The following ZNF628 variants were observed in gnomAD, a reference collection of about 807,000 sequenced individuals.
ZNF628 encodes zinc finger protein Zec.
A neutral mutation model predicts 2.5 loss-of-function variants in ZNF628; 3 were observed. The observed-to-expected ratio is 1.19, with a 90% CI of 0.54 to 3.07. The LOEUF (loss-of-function observed/expected upper bound fraction) is 3.07, where lower values mean the gene tolerates loss of function less well. ZNF628 is among the 30% of genes most tolerant of loss of function. The pLI is 0.03. For missense variants in ZNF628, 1,610 were observed against 1,517.1 expected (o/e 1.06, Z -1.02); for synonymous variants, 861 against 717.1 (o/e 1.20, Z -3.21).
intron 1 of ZNF628, among the ~76,000 whole-genome samples, chr19:55,477,756 T>C (rs10426126): frequency 0.81 from 123,378 of 151,460 alleles, 50,997 homozygotes; most frequent in African/African-American, 0.92. Context: ...AGTGAGACCC[T>C]GTCTCCAAAA....
chr19:55,478,257 G>GA (rs1469379687), intron 1 of ZNF628, among the ~76,000 whole-genome samples: 9 of 152,314 alleles, frequency 5.9e-5, no homozygotes, highest in Non-Finnish European at 1.2e-4. Context: ...TGCTGCGGGG[G>GA]AAAAATAAGG....
At chr19:55,476,982 C>T (rs2059137) in intron 1 of ZNF628, among the ~76,000 whole-genome samples, 175 bp downstream of exon 1, 123,899 of 152,112 alleles carry the variant, frequency 0.81, 51,221 homozygotes, top group African/African-American at 0.92. Flanking sequence ...GGCAAGGGGC[C>T]ACATTGAGAG....
In ZNF628 at chr19:55,482,039, CT is replaced by C. The variant is rs1568467232; in HGVS notation, c.851del (p.Leu284TrpfsTer143). The C allele has an allele frequency of 2.0e-6, 3 of 1,472,500 alleles. No individual in the cohort carries two copies. The highest frequency in any genetic ancestry group is 1.2e-5 in the South Asian group (1 of 80,952). The allele number at this position is 1,472,500 out of a possible 1,614,324, so 91.2% of individuals were successfully genotyped here. On this transcript the variant is annotated frameshift_variant, in exon 3 of 3. Coordinates refer to ENST00000598519, the MANE Select transcript of ZNF628 (RefSeq NM_033113.3). LOFTEE classifies it low-confidence loss of function (END_TRUNC). ...PPPPPVVPELFLAAAETTVEL... is the reference protein window; with the variant it reads ...PPPPPVVPELXLAAAETTVEL... ...CGCCCCCGCCCGTGGTGCCTGAGCT[CT>C]TTTTGGCGGCGGCGGAGACCACGGT...
chr19:55,479,047 G>A lies in ZNF628; in HGVS notation c.-77-787G>A, dbSNP rs1376117525. ...CTGGAGTCATTGTTCATAGACAGTGGAGTCCTGAGAGTGGGTGGGGGCTCC... is the reference window on the plus strand; with the variant it reads ...CTGGAGTCATTGTTCATAGACAGTGAAGTCCTGAGAGTGGGTGGGGGCTCC... On this transcript the variant is annotated intron_variant, in intron 1 of 2. Transcript: ENST00000598519. The surrounding 1 kb of genome is among the most constrained non-coding windows in gnomAD (Gnocchi z 5.1). 6.6e-6 allele frequency among the ~76,000 whole-genome samples: 1 copy of A among 152,172 alleles called. No homozygotes were observed. Among genetic ancestry groups the A allele is most frequent in the Non-Finnish European group, 1.5e-5 (1 of 68,038 alleles).
chr19:55,477,140 C>G (rs76085117), intron 1 of ZNF628, among the ~76,000 whole-genome samples: 2,536 of 152,250 alleles, frequency 0.017, 66 homozygotes, highest in African/African-American at 0.057. Context: ...CAAAGCGATC[C>G]CTGGTTTAGC....
rs1225185368 is a variant in ZNF628 at position 55,482,745 on chromosome 19, A to C, written c.1552A>C (p.Thr518Pro). The change falls in exon 3 of 3, where the codon ACC becomes CCC. Residue 518 changes from threonine (T) to proline (P), a missense_variant. By Grantham distance (38) the Thr-to-Pro change is conservative. Around this residue, in one of 5 missense-constraint regions of ZNF628, gnomAD observed 651 missense variants for 575.6 expected, o/e 1.13. Transcript: ENST00000598519. ...RAFTCGQCGL[T>P]FKWSSHYQYH... ...CTTCACCTGTGGCCAGTGCGGCCTC[A>C]CCTTCAAGTGGTCGTCCCACTACCA... 6.2e-7 allele frequency: 1 copy of C among 1,611,606 alleles called. No homozygotes were observed. Among genetic ancestry groups the C allele is most frequent in the East Asian group, 2.2e-5 (1 of 44,806 alleles).
rs1267986672 is a variant in ZNF628 at position 55,482,932 on chromosome 19, A to G, written c.1739A>G (p.Asn580Ser). ...VCGKSFAQTS[N>S]LRQHQRVHTG... ...GGCAAGAGCTTCGCGCAGACCTCCA[A>G]CCTGCGGCAGCACCAGCGCGTGCAC... Residue 580 changes from asparagine (N) to serine (S), a missense_variant, in exon 3 of 3, where the codon AAC (asparagine) becomes AGC (serine). By Grantham distance (46) the Asn-to-Ser change is conservative (BLOSUM62 1). Transcript: ENST00000598519. 6.2e-7 allele frequency: 1 copy of G among 1,606,420 alleles called. No homozygotes were observed.
intron 1 of ZNF628, among the ~76,000 whole-genome samples, chr19:55,477,370 T>G (rs1986581842): frequency 6.6e-6 from 1 of 152,016 alleles, no homozygotes; most frequent in Non-Finnish European, 1.5e-5. Flanking sequence ...TTTTTTTTTT[T>G]TTTTTCTGGA....
rs1333293594 is a variant in ZNF628, at chr19:55,482,469, G to T, written c.1276G>T (p.Val426Leu). The change falls in exon 3 of 3, where the codon GTG becomes TTG. Residue 426 changes from valine to leucine, a missense_variant. Physicochemically the swap from Val to Leu is conservative, Grantham distance 32 (BLOSUM62 1). Around this residue, in one of 5 missense-constraint regions of ZNF628, gnomAD observed 651 missense variants for 575.6 expected, o/e 1.13. Coordinates refer to ENST00000598519, the MANE Select transcript of ZNF628 (RefSeq NM_033113.3). ...GCCCCCGCAGGCTGAGGCTGCGGAG[G>T]TGACCTGCCCCCAGGAACCGCTGGC... is the stretch of plus-strand genomic sequence containing the variant. ...RPPPQAEAAE[V>L]TCPQEPLAPA... The T allele has an allele frequency of 7.0e-7, 1 of 1,424,360 alleles. No homozygotes were observed. The highest frequency in any genetic ancestry group is 9.1e-7 in the Non-Finnish European group (1 of 1,096,092). 88.2% of individuals were successfully genotyped at this position (1,424,360 alleles called of 1,614,324 possible).
chr19:55,480,981 T>C (rs1986683849), intron 2 of ZNF628, among the ~76,000 whole-genome samples: 1 of 152,194 alleles, frequency 6.6e-6, no homozygotes, highest in African/African-American at 2.4e-5. Context: ...CACAGTTTGC[T>C]GGGGAGTTTC....
At chr19:55,481,113 C>T in intron 2 of ZNF628, 88 bp from the exon 3 acceptor site, 1 of 1,432,820 alleles carries the variant, frequency 7.0e-7, no homozygotes, top group Non-Finnish European at 9.1e-7. Flanking sequence ...GGGAGGTAGT[C>T]CCTGTCCCTT....
chr19:55,483,569 C>T lies in ZNF628; in HGVS notation c.2376C>T (p.Ala792=), dbSNP rs752584312. ...LGVQGAASAG[A]SGTGQSLIVL... ...TGCAGGGAGCGGCCAGCGCTGGGGC[C>T]AGCGGGACAGGGCAGAGCCTCATCG... is the stretch of plus-strand genomic sequence containing the variant. The change falls in exon 3 of 3, where the codon GCC becomes GCT. Residue 792 remains alanine, a synonymous_variant. Coordinates refer to ENST00000598519, the MANE Select transcript of ZNF628 (RefSeq NM_033113.3). The T allele has an allele frequency of 2.5e-6, 4 of 1,603,784 alleles. No individual in the cohort carries two copies. Among genetic ancestry groups the T allele is most frequent in the East Asian group, 4.5e-5 (2 of 44,750 alleles).
In ZNF628 at chr19:55,479,763, C is replaced by A; in HGVS notation, c.-77-71C>A. Reference sequence around the variant, plus strand: ...CCCTGGGTTGAAGGCACAGTTTGTCCCAGTTGAGAACCACTAGTATCGTGG... The same window carrying A: ...CCCTGGGTTGAAGGCACAGTTTGTCACAGTTGAGAACCACTAGTATCGTGG... On this transcript the variant is annotated intron_variant, in intron 1 of 2. Transcript: ENST00000598519. The surrounding 1 kb of genome is among the most constrained non-coding windows in gnomAD (Gnocchi z 5.1). The A allele has an allele frequency of 2.5e-6, 1 of 393,558 alleles. No individual in the cohort carries two copies. The highest frequency in any genetic ancestry group is 4.5e-6 in the Non-Finnish European group (1 of 223,004). The allele number at this position is 393,558 out of a possible 1,614,324, so 24.4% of individuals were successfully genotyped here. A position where few individuals can be genotyped will look rare whatever the true frequency, so the allele number is the denominator to read the frequency against.
At chr19:55,480,583 G>C (rs1253532317) in intron 2 of ZNF628, among the ~76,000 whole-genome samples, 1 of 152,148 alleles carries the variant, frequency 6.6e-6, no homozygotes, top group Non-Finnish European at 1.5e-5. Flanking sequence ...ACCATGCCGG[G>C]CTAATTTTTG....
In ZNF628 at chr19:55,483,887, G is replaced by T. The variant is rs747380989; in HGVS notation, c.2694G>T (p.Glu898Asp). The T allele has an allele frequency of 1.5e-5, 24 of 1,603,820 alleles. No homozygotes were observed. The highest frequency in any genetic ancestry group is 1.7e-5 in the Non-Finnish European group (20 of 1,174,258). ...NLLVVQSGAA[E>D]ELLTGPGPGE... ...TGGTTGTTCAGAGCGGGGCAGCTGA[G>T]GAGTTGCTCACTGGCCCGGGCCCCG... Residue 898 changes from glutamate to aspartate, a missense_variant, in exon 3 of 3, where the codon GAG (glutamate) becomes GAT (aspartate). Coordinates refer to ENST00000598519, the MANE Select transcript of ZNF628 (RefSeq NM_033113.3).
At position 55,479,421 on chromosome 19, in the gene ZNF628, T is replaced by C. The variant is rs1469019903; in HGVS notation, c.-77-413T>C. ...TGGACAGGGAAGTGGAGTGAAGAGCTTTTTGGTTTTTAAAGATGGGAGACA... is the reference window on the plus strand; with the variant it reads ...TGGACAGGGAAGTGGAGTGAAGAGCCTTTTGGTTTTTAAAGATGGGAGACA... On this transcript the variant is annotated intron_variant, in intron 1 of 2. Transcript: ENST00000598519. This position sits in a 1 kb window ranked among gnomAD's most constrained non-coding sequence, Gnocchi z 5.1. Among the ~76,000 whole-genome samples the C allele has an allele frequency of 1.3e-5, 2 of 152,040 alleles. No individual in the cohort carries two copies. Among genetic ancestry groups the C allele is most frequent in the Non-Finnish European group, 2.9e-5 (2 of 67,992 alleles).
Position 55,483,186 on chromosome 19 carries a change from C to T in ZNF628, c.1993C>T (p.Pro665Ser), listed in dbSNP as rs1986792350. 4 of 1,549,738 alleles carry T rather than the reference C, an allele frequency of 2.6e-6. No homozygotes were observed. Among genetic ancestry groups the T allele is most frequent in the Non-Finnish European group, 2.6e-6 (3 of 1,155,148 alleles). Residue 665 changes from proline (P) to serine (S), a missense_variant, in exon 3 of 3, where the codon CCA (proline) becomes TCA (serine). Physicochemically the swap from Pro to Ser is moderately conservative, Grantham distance 74. Transcript: ENST00000598519. ...APAAGPQPPA[P>S]LAAARAPPAT... ...TGCCGCCGGCCCCCAGCCCCCTGCT[C>T]CACTGGCTGCTGCGCGGGCCCCGCC... is the stretch of plus-strand genomic sequence containing the variant.
rs536793652 is a variant in ZNF628, at chr19:55,481,980, C to A, written c.787C>A (p.His263Asn). 1.2e-3 allele frequency: 1,765 copies of A among 1,460,492 alleles called. 29 individuals carry two copies. In the African/African-American group the frequency reaches 0.024, roughly 20 times the overall value. 90.5% of individuals were successfully genotyped at this position (1,460,492 alleles called of 1,614,324 possible). The change falls in exon 3 of 3, where the codon CAC becomes AAC. Residue 263 changes from histidine to asparagine, a missense_variant. His to Asn is a moderately conservative substitution (Grantham distance 68, BLOSUM62 1). This residue lies in a region of ZNF628 where 651 missense variants were observed against 575.6 expected (regional missense o/e 1.13). Transcript: ENST00000598519. ...DAYLQRHLQP[H>N]SPPAPPAPPP... is the part of the protein sequence containing the mutation. ...CTACCTGCAGCGGCACCTCCAGCCCCACAGCCCGCCCGCGCCTCCCGCCCC... is the reference window on the plus strand; with the variant it reads ...CTACCTGCAGCGGCACCTCCAGCCCAACAGCCCGCCCGCGCCTCCCGCCCC...
rs1986644175 is a variant in ZNF628 at position 55,479,365 on chromosome 19, C to T, written c.-77-469C>T. ...GCGGGCTGACACTTGAGCTGCTCTG[C>T]TGTGAAGGAATGGAGAAACGAGTCT... is the stretch of plus-strand genomic sequence containing the variant. On this transcript the variant is annotated intron_variant, in intron 1 of 2. Coordinates refer to ENST00000598519, the MANE Select transcript of ZNF628 (RefSeq NM_033113.3). This position sits in a 1 kb window ranked among gnomAD's most constrained non-coding sequence, Gnocchi z 5.1. Among the ~76,000 whole-genome samples the T allele has an allele frequency of 6.6e-6, 1 of 152,164 alleles. No homozygotes were observed. The highest frequency in any genetic ancestry group is 2.1e-4 in the South Asian group (1 of 4,828).
Sources: allele counts gnomAD v4.1 joint callset (sites outside exome capture counted in the v4.1 genomes callset), GRCh38; gene constraint gnomAD v4.1.1; regional missense constraint gnomAD v4.1.1; non-coding constraint Gnocchi (gnomAD v3.1); transcripts MANE v1.5; gene names NCBI Gene and HGNC (gene_info 2026-07-23, HGNC 2026-07-21).